The following PRKN variants were observed in gnomAD, a reference collection of about 807,000 sequenced individuals.
PRKN encodes E3 ubiquitin-protein ligase parkin.
Under a neutral mutation model 59.5 loss-of-function variants are expected in PRKN, and 56 were observed. The observed-to-expected ratio is 0.94, with a 90% CI of 0.76 to 1.18. PRKN has a LOEUF of 1.18. Ranked by LOEUF, PRKN falls within the 50% of genes most tolerant of loss-of-function variation. The probability of loss-of-function intolerance (pLI) is 0.00; values close to 1 mark genes in which losing one functional copy is unlikely to be tolerated. For missense variants in PRKN, 657 were observed against 596.4 expected (o/e 1.10, Z -1.06); for synonymous variants, 250 against 222.1 (o/e 1.13, Z -1.12).
At chr6:162,322,425 A>G (rs1783070869) in intron 2 of PRKN, among the ~76,000 whole-genome samples, 1 of 152,148 alleles carries the variant, frequency 6.6e-6, no homozygotes, top group Admixed American at 6.5e-5. Context: ...GGTGATAGAA[A>G]CTGACAAGCT....
chr6:161,588,353 C>G lies in PRKN; in HGVS notation c.872-18937G>C, dbSNP rs779964325. 2.4e-4 allele frequency among the ~76,000 whole-genome samples: 36 copies of G among 150,732 alleles called. No homozygotes were observed. The highest frequency in any genetic ancestry group is 3.7e-4 in the Non-Finnish European group (25 of 67,852). On this transcript the variant is annotated intron_variant, in intron 7 of 11. Transcript: ENST00000366898. The surrounding 1 kb of genome is among the most constrained non-coding windows in gnomAD (Gnocchi z 5.0). The stretch of plus-strand genomic sequence containing the variant: ...CGAAGAGGCGCCACTGCATTCCAGC[C>G]TGGGCAACAAGAGCGAAACTCTGTC...
At chr6:161,699,393 A>T (rs1175760742) in intron 7 of PRKN, among the ~76,000 whole-genome samples, 1 of 152,172 alleles carries the variant, frequency 6.6e-6, no homozygotes, top group African/African-American at 2.4e-5. Context: ...GTAAATAGTC[A>T]TAACAGTTTT....
At chr6:162,239,390 G>C (rs1778890946) in intron 3 of PRKN, among the ~76,000 whole-genome samples, 1 of 152,022 alleles carries the variant, frequency 6.6e-6, no homozygotes, top group South Asian at 2.1e-4. Flanking sequence ...AGATATTTGA[G>C]CATAAATCCC....
rs1252823616 is a variant in PRKN at position 161,400,560 on chromosome 6, C to T, written c.1084-13683G>A. The stretch of plus-strand genomic sequence containing the variant: ...AACCCCTGACCTCAGGTAATCCGTT[C>T]CCCTCAGCCTCCCAAAGTGCTGGGA... On this transcript the variant is annotated intron_variant, in intron 9 of 11. Transcript: ENST00000366898. The surrounding 1 kb of genome is among the most constrained non-coding windows in gnomAD (Gnocchi z 4.2). Among the ~76,000 whole-genome samples, 1 of 152,038 alleles carries T rather than the reference C, an allele frequency of 6.6e-6. No homozygotes were observed. Among genetic ancestry groups the T allele is most frequent in the Non-Finnish European group, 1.5e-5 (1 of 68,010 alleles).
intron 1 of PRKN, among the ~76,000 whole-genome samples, chr6:162,513,351 T>C (rs1161022650): frequency 6.6e-6 from 1 of 151,686 alleles, no homozygotes; most frequent in Non-Finnish European, 1.5e-5. Flanking sequence ...TGGTGGTGGG[T>C]GCATGTAATC....
chr6:162,460,236 A>G (rs1032516741), intron 1 of PRKN, among the ~76,000 whole-genome samples: 3 of 152,226 alleles, frequency 2.0e-5, no homozygotes, highest in Non-Finnish European at 4.4e-5. Flanking sequence ...TGAACCTTGA[A>G]AACATTGTAC....
chr6:161,952,172 C>T (rs1780013974), intron 6 of PRKN, among the ~76,000 whole-genome samples: 1 of 151,944 alleles, frequency 6.6e-6, no homozygotes, highest in Non-Finnish European at 1.5e-5. Context: ...TTGAGGGTGC[C>T]ACCCTCTGTT....
intron 1 of PRKN, among the ~76,000 whole-genome samples, chr6:162,451,026 G>A (rs374209184): frequency 6.6e-6 from 1 of 152,014 alleles, no homozygotes; most frequent in Non-Finnish European, 1.5e-5. Context: ...TAAAATAAAT[G>A]TTCATATATA....
At chr6:161,680,205 C>T (rs887486576) in intron 7 of PRKN, among the ~76,000 whole-genome samples, 2 of 152,164 alleles carry the variant, frequency 1.3e-5, no homozygotes, top group African/African-American at 4.8e-5. Context: ...AGGAACATTT[C>T]CCCCTTTCTC....
intron 7 of PRKN, among the ~76,000 whole-genome samples, chr6:161,574,393 C>T (rs1781054630): frequency 6.6e-6 from 1 of 152,134 alleles, no homozygotes; most frequent in South Asian, 2.1e-4. Context: ...CATGTCCGAT[C>T]CTTCCATGCC....
At chr6:162,427,290 T>G (rs1423183597) in intron 2 of PRKN, among the ~76,000 whole-genome samples, 1 of 152,176 alleles carries the variant, frequency 6.6e-6, no homozygotes, top group African/African-American at 2.4e-5. Context: ...AAAGCTGAAG[T>G]TATTGGTGCA....
At chr6:162,425,080 C>T (rs1413353707) in intron 2 of PRKN, among the ~76,000 whole-genome samples, 1 of 151,940 alleles carries the variant, frequency 6.6e-6, no homozygotes, top group African/African-American at 2.4e-5. Flanking sequence ...AAAAAATCTA[C>T]CCATCAGAAC....
Position 161,883,032 on chromosome 6 carries a change from C to CAA in PRKN, c.734+90268_734+90269dup, listed in dbSNP as rs757091437. Among the ~76,000 whole-genome samples the CAA allele has an allele frequency of 4.2e-3, 590 of 139,672 alleles. 1 individual carries two copies. Among genetic ancestry groups the CAA allele is most frequent in the Middle Eastern group, 0.011 (3 of 282 alleles). The allele number at this position is 139,672 out of a possible 152,430, so 91.6% of individuals were successfully genotyped here. A position where few individuals can be genotyped will look rare whatever the true frequency, so the allele number is the denominator to read the frequency against. The stretch of plus-strand genomic sequence containing the variant: ...AGAAAACAAAAAACAACAACAACAA[C>CAA]AAAAAAAAACCAAAAAAACTCCAGG... On this transcript the variant is annotated intron_variant, in intron 6 of 11. Coordinates refer to ENST00000366898, the MANE Select transcript of PRKN (RefSeq NM_004562.3).
intron 2 of PRKN, among the ~76,000 whole-genome samples, chr6:162,301,592 T>C (rs893046999): frequency 1.3e-5 from 2 of 152,176 alleles, no homozygotes; most frequent in East Asian, 3.9e-4. Context: ...TCTTGCTGTG[T>C]CCTCACATAG....
intron 5 of PRKN, among the ~76,000 whole-genome samples, chr6:162,036,914 T>C (rs1361137743): frequency 2.0e-5 from 3 of 152,024 alleles, no homozygotes; most frequent in South Asian, 4.1e-4. Context: ...ATAATGAAAA[T>C]GTATTCAAGC....
chr6:161,542,097 C>T (rs568740858), intron 9 of PRKN, among the ~76,000 whole-genome samples: 1 of 152,260 alleles, frequency 6.6e-6, no homozygotes, highest in South Asian at 2.1e-4. Flanking sequence ...GCCTTTATGG[C>T]GATCTACTTC....
chr6:162,327,471 G>T (rs1032849716), intron 2 of PRKN, among the ~76,000 whole-genome samples: 1 of 152,058 alleles, frequency 6.6e-6, no homozygotes, highest in African/African-American at 2.4e-5. Context: ...CTTGACAATG[G>T]TCTTCTCTAC....
intron 9 of PRKN, among the ~76,000 whole-genome samples, chr6:161,496,508 G>A (rs147376004): frequency 3.9e-5 from 6 of 152,340 alleles, no homozygotes; most frequent in East Asian, 1.9e-4. Flanking sequence ...GCAAAGGCAC[G>A]TCTTACGTGG....
At chr6:162,141,517 A>G in intron 4 of PRKN, among the ~76,000 whole-genome samples, 1 of 152,208 alleles carries the variant, frequency 6.6e-6, no homozygotes, top group East Asian at 1.9e-4. Context: ...TTAACATTCA[A>G]ATTAACCATT....
Sources: gnomAD v4.1 joint callset for allele counts (sites outside exome capture counted in the v4.1 genomes callset) on GRCh38, gnomAD v4.1.1 for gene constraint, Gnocchi (gnomAD v3.1) non-coding constraint, MANE v1.5 for transcripts, NCBI Gene and HGNC (gene_info 2026-07-23, HGNC 2026-07-21) for gene names.